The following DNAH11 variants were observed in gnomAD, a reference collection of about 807,000 sequenced individuals.
DNAH11 encodes the protein axonemal beta dynein heavy chain 11.
DNAH11 carries 442 observed loss-of-function variants against 526.0 expected under a neutral mutation model. The observed-to-expected ratio is 0.84, with a 90% CI of 0.78 to 0.91. DNAH11 has a LOEUF of 0.91. DNAH11 is among the 40% of genes least tolerant of loss of function. The probability of loss-of-function intolerance (pLI) is 0.00; values close to 1 mark genes in which losing one functional copy is unlikely to be tolerated. For missense variants in DNAH11, 6,989 were observed against 5,448.7 expected (o/e 1.28, Z -8.90); for synonymous variants, 2,461 against 1,935.9 (o/e 1.27, Z -7.12).
At chr7:21,568,929 G>A (rs977046116) in intron 6 of DNAH11, among the ~76,000 whole-genome samples, 5 of 152,144 alleles carry the variant, frequency 3.3e-5, no homozygotes, top group African/African-American at 1.2e-4. Flanking sequence ...AGGGATTCCT[G>A]GTGGTTCTCT....
At chr7:21,572,508 T>C (rs1258310452) in intron 8 of DNAH11, among the ~76,000 whole-genome samples, 1 of 152,190 alleles carries the variant, frequency 6.6e-6, no homozygotes, top group South Asian at 2.1e-4. Context: ...TTCCAGCATG[T>C]TAGTAGCCAG....
intron 8 of DNAH11, among the ~76,000 whole-genome samples, chr7:21,577,065 G>C (rs930775632): frequency 9.2e-5 from 14 of 152,348 alleles, no homozygotes; most frequent in South Asian, 8.3e-4. Context: ...ACAACGTGAT[G>C]ATGAGTTCCC....
At chr7:21,654,541 T>C (rs1278319887) in intron 28 of DNAH11, among the ~76,000 whole-genome samples, 1 of 152,234 alleles carries the variant, frequency 6.6e-6, no homozygotes, top group African/African-American at 2.4e-5. Context: ...AATGCTTCGA[T>C]GAACAGAGAT....
At chr7:21,691,215 C>T (rs1783608982) in intron 35 of DNAH11, among the ~76,000 whole-genome samples, 1 of 149,022 alleles carries the variant, frequency 6.7e-6, no homozygotes, top group Non-Finnish European at 1.5e-5. Context: ...CATTTTATTG[C>T]CAACAGAACA....
At chr7:21,821,583 G>C (rs1220957658) in intron 65 of DNAH11, among the ~76,000 whole-genome samples, 2 of 151,920 alleles carry the variant, frequency 1.3e-5, no homozygotes, top group Non-Finnish European at 2.9e-5. Context: ...TTTTTTAATT[G>C]CTACGTCATA....
chr7:21,825,809 A>T (rs1013151274), intron 65 of DNAH11, among the ~76,000 whole-genome samples: 23 of 152,086 alleles, frequency 1.5e-4, no homozygotes, highest in African/African-American at 5.3e-4. Context: ...AATACAAAAA[A>T]TTAGCTGGGT....
chr7:21,741,863 A>G, intron 48 of DNAH11, 64 bp from the exon 49 acceptor site: 7 of 1,563,630 alleles, frequency 4.5e-6, no homozygotes, highest in Non-Finnish European at 5.2e-6. Flanking sequence ...AAAAAAAATC[A>G]GGTCTTTGCA....
chr7:21,651,061 C>T (rs1182879650), intron 28 of DNAH11, among the ~76,000 whole-genome samples: 1 of 151,722 alleles, frequency 6.6e-6, no homozygotes. Context: ...TAGAGAATAT[C>T]ATCCACAAAA....
chr7:21,594,892 A>C (rs1269049599), intron 14 of DNAH11, among the ~76,000 whole-genome samples: 1 of 152,142 alleles, frequency 6.6e-6, no homozygotes, highest in Non-Finnish European at 1.5e-5. Flanking sequence ...AAGACACTGC[A>C]GAATTTTGAG....
intron 54 of DNAH11, among the ~76,000 whole-genome samples, chr7:21,761,063 C>T (rs1786877295): frequency 6.6e-6 from 1 of 152,042 alleles, no homozygotes; most frequent in South Asian, 2.1e-4. Flanking sequence ...CTTGTGACAA[C>T]TGGGGTTTAC....
At chr7:21,580,145 G>A (rs1224383068) in intron 8 of DNAH11, among the ~76,000 whole-genome samples, 3 of 152,162 alleles carry the variant, frequency 2.0e-5, no homozygotes, top group Non-Finnish European at 4.4e-5. Flanking sequence ...GAGTGAGTGA[G>A]AAGGGAGGGA....
At chr7:21,695,427 A>G (rs562295656) in intron 35 of DNAH11, among the ~76,000 whole-genome samples, 6 of 152,352 alleles carry the variant, frequency 3.9e-5, no homozygotes, top group Admixed American at 3.3e-4. Flanking sequence ...CGGAGGCCTC[A>G]GAAATAATGC....
At position 21,727,407 on chromosome 7, in the gene DNAH11, G is replaced by A. The variant is rs533516972; in HGVS notation, c.7440+1423G>A. On this transcript the variant is annotated intron_variant, in intron 45 of 81. Coordinates refer to ENST00000409508, the MANE Select transcript of DNAH11 (RefSeq NM_001277115.2). ...AAACTTCTTAGTTAGTACTTTTCACGTATAACGTTCTTCTTATACCCTCCA... is the reference window on the plus strand; with the variant it reads ...AAACTTCTTAGTTAGTACTTTTCACATATAACGTTCTTCTTATACCCTCCA... Among the ~76,000 whole-genome samples, 12 of 152,200 alleles carry A rather than the reference G, an allele frequency of 7.9e-5. No individual in the cohort carries two copies. The East Asian group carries it at 1.4e-3, about 17-fold the overall frequency.
At chr7:21,674,671 T>C (rs1328088233) in intron 30 of DNAH11, among the ~76,000 whole-genome samples, 1 of 152,056 alleles carries the variant, frequency 6.6e-6, no homozygotes, top group Non-Finnish European at 1.5e-5. Flanking sequence ...TTTTCACACA[T>C]CCCTGACTGA....
Position 21,614,651 on chromosome 7 carries a change from C to T in DNAH11, c.3853-463C>T, listed in dbSNP as rs145815524. Among the ~76,000 whole-genome samples the T allele has an allele frequency of 7.2e-3, 1,091 of 152,286 alleles. 15 individuals are homozygous for T. Among genetic ancestry groups the T allele is most frequent in the African/African-American group, 0.025 (1,040 of 41,574 alleles). On this transcript the variant is annotated intron_variant, in intron 20 of 81. Coordinates refer to ENST00000409508, the MANE Select transcript of DNAH11 (RefSeq NM_001277115.2). ...GTTTTTAGCTTTATGCTTTATTTCA[C>T]AAATTCTCTTGAGTGCATTTGATAT...
At chr7:21,797,770 A>G (rs764145801) in intron 61 of DNAH11, among the ~76,000 whole-genome samples, 1 of 152,210 alleles carries the variant, frequency 6.6e-6, no homozygotes, top group South Asian at 2.1e-4. Context: ...TAAGAGTTAC[A>G]TGCCAAGGGC....
chr7:21,630,473 C>T (rs934853310), intron 25 of DNAH11, among the ~76,000 whole-genome samples: 1 of 152,100 alleles, frequency 6.6e-6, no homozygotes, highest in Non-Finnish European at 1.5e-5. Flanking sequence ...TGAAGAATTT[C>T]CTTTAGCATT....
intron 19 of DNAH11, 27 bp from the exon 20 acceptor site, chr7:21,606,620 T>A (rs1389506152): frequency 2.1e-6 from 3 of 1,434,634 alleles, no homozygotes; most frequent in Non-Finnish European, 2.7e-6. Context: ...ATTCACTTTT[T>A]TTTTTTTTTT....
At chr7:21,898,002 T>G (rs1021346043) in intron 79 of DNAH11, among the ~76,000 whole-genome samples, 2 of 152,214 alleles carry the variant, frequency 1.3e-5, no homozygotes, top group Non-Finnish European at 2.9e-5. Context: ...CTTACGCTGT[T>G]TCACTTTTGC....
Sources: gnomAD v4.1 joint callset for allele counts (sites outside exome capture counted in the v4.1 genomes callset) on GRCh38, gnomAD v4.1.1 for gene constraint, MANE v1.5 for transcripts, NCBI Gene and HGNC (gene_info 2026-07-23, HGNC 2026-07-21) for gene names.